The following NEMP2 variants were observed in gnomAD, a reference collection of about 807,000 sequenced individuals.
NEMP2 encodes UPF0571 transmembrane protein.
A neutral mutation model predicts 54.2 loss-of-function variants in NEMP2; 53 were observed. The observed-to-expected ratio is 0.98, with a 90% CI of 0.78 to 1.23. NEMP2 has a LOEUF of 1.23. Ranked by LOEUF, NEMP2 falls within the 50% of genes most tolerant of loss-of-function variation. The probability of loss-of-function intolerance (pLI) is 0.00; values close to 1 mark genes in which losing one functional copy is unlikely to be tolerated. For synonymous variants in NEMP2, 197 were observed against 190.3 expected, an observed-to-expected ratio of 1.04 and a Z score of -0.29; for missense variants, 455 against 511.3, an observed-to-expected ratio of 0.89 and a Z score of 1.06.
chr2:190,601,603 G>A, the NEMP2 span, among the ~76,000 whole-genome samples: 1 of 152,160 alleles, frequency 6.6e-6, no homozygotes, highest in African/African-American at 2.4e-5. This position sits in a 1 kb window ranked among gnomAD's most constrained non-coding sequence, Gnocchi z 5.8. Context: ...TATAATTTCC[G>A]AGCAACTCCA....
chr2:190,516,148 A>C, intron 6 of NEMP2, 122 bp downstream of exon 6: 1 of 605,382 alleles, frequency 1.7e-6, no homozygotes, highest in Non-Finnish European at 2.8e-6. Context: ...TTTTAGTAGC[A>C]CCTTTCGTTA....
the NEMP2 span, among the ~76,000 whole-genome samples, chr2:190,474,054 A>G: frequency 1.3e-5 from 2 of 152,338 alleles, no homozygotes; most frequent in Non-Finnish European, 2.9e-5. Context: ...TCTCTGGGAC[A>G]CAGTCAAAGC....
At chr2:190,547,019 A>T in the NEMP2 span, among the ~76,000 whole-genome samples, 1 of 152,226 alleles carries the variant, frequency 6.6e-6, no homozygotes, top group African/African-American at 2.4e-5. The surrounding 1 kb of genome is among the most constrained non-coding windows in gnomAD (Gnocchi z 6.2). Context: ...ACAACCAAAT[A>T]TAGGGAGGAC....
the NEMP2 span, among the ~76,000 whole-genome samples, chr2:190,560,982 T>C: frequency 2.0e-5 from 3 of 152,338 alleles, no homozygotes; most frequent in South Asian, 6.2e-4. This position sits in a 1 kb window ranked among gnomAD's most constrained non-coding sequence, Gnocchi z 5.4. Flanking sequence ...TTTTGAGAAA[T>C]ACTCAGAGAA....
the NEMP2 span, among the ~76,000 whole-genome samples, chr2:190,549,292 T>G: frequency 6.6e-6 from 1 of 152,216 alleles, no homozygotes; most frequent in East Asian, 1.9e-4. Flanking sequence ...TTTTGTGACA[T>G]TAGGAACTAT....
upstream of NEMP2, chr2:190,535,867 T>G (rs1318153972): frequency 6.6e-6 from 1 of 152,228 alleles, no homozygotes; most frequent in Non-Finnish European, 1.5e-5. Context: ...TCCAATTCTT[T>G]CCTGTATTCC....
At chr2:190,518,452 T>C (rs1326162460) in intron 4 of NEMP2, among the ~76,000 whole-genome samples, 2 of 152,154 alleles carry the variant, frequency 1.3e-5, no homozygotes, top group Non-Finnish European at 2.9e-5. Flanking sequence ...TTCTCATCTA[T>C]AAAATGAGAA....
chr2:190,465,918 G>A, the NEMP2 span, among the ~76,000 whole-genome samples: 26 of 152,246 alleles, frequency 1.7e-4, no homozygotes, highest in African/African-American at 4.3e-4. The surrounding 1 kb of genome is among the most constrained non-coding windows in gnomAD (Gnocchi z 4.6). Context: ...GCTTGAATCC[G>A]GGAGGCGGTG....
chr2:190,615,162 G>C, the NEMP2 span, among the ~76,000 whole-genome samples: 2 of 152,112 alleles, frequency 1.3e-5, no homozygotes, highest in Non-Finnish European at 2.9e-5. This position sits in a 1 kb window ranked among gnomAD's most constrained non-coding sequence, Gnocchi z 4.7. Context: ...GGGTCCTACA[G>C]GTTAAGGGCT....
chr2:190,480,865 A>G, the NEMP2 span, among the ~76,000 whole-genome samples: 1 of 152,232 alleles, frequency 6.6e-6, no homozygotes, highest in Admixed American at 6.5e-5. Flanking sequence ...TACAATACAA[A>G]AAAGTAAAAT....
chr2:190,623,083 A>G, the NEMP2 span, among the ~76,000 whole-genome samples: 2 of 152,198 alleles, frequency 1.3e-5, no homozygotes, highest in Non-Finnish European at 2.9e-5. Context: ...CCTATTTACT[A>G]TACAAAATAC....
At chr2:190,648,434 C>A in the NEMP2 span, 2 of 152,160 alleles carry the variant, frequency 1.3e-5, no homozygotes, top group South Asian at 2.1e-4. Flanking sequence ...CCTCGCCCCC[C>A]CGGGCAGGGG....
chr2:190,595,605 C>T, the NEMP2 span, among the ~76,000 whole-genome samples: 1 of 152,160 alleles, frequency 6.6e-6, no homozygotes, highest in Non-Finnish European at 1.5e-5. This position sits in a 1 kb window ranked among gnomAD's most constrained non-coding sequence, Gnocchi z 4.0. Flanking sequence ...TAAACAGATA[C>T]TTCTTGAAAG....
the NEMP2 span, among the ~76,000 whole-genome samples, chr2:190,545,031 G>A: frequency 2.0e-5 from 3 of 151,812 alleles, no homozygotes; most frequent in African/African-American, 7.3e-5. Flanking sequence ...TGAGCCAGGA[G>A]TTCAAGCCAC....
the NEMP2 span, among the ~76,000 whole-genome samples, chr2:190,434,497 G>A: frequency 2.6e-5 from 4 of 152,040 alleles, no homozygotes; most frequent in South Asian, 4.1e-4. This position sits in a 1 kb window ranked among gnomAD's most constrained non-coding sequence, Gnocchi z 4.3. Context: ...GTGCAGTGGC[G>A]CAATCTCAGC....
At chr2:190,574,957 C>T in the NEMP2 span, among the ~76,000 whole-genome samples, 1 of 152,006 alleles carries the variant, frequency 6.6e-6, no homozygotes, top group South Asian at 2.1e-4. Flanking sequence ...TGGGTTCAAG[C>T]GATTCTCCTG....
chr2:190,501,485 G>A (rs143086708), downstream of NEMP2: 190 of 152,300 alleles, frequency 1.2e-3, 2 homozygotes, highest in East Asian at 0.025. Flanking sequence ...GGAAACCTGG[G>A]GGGAGTGTGG....
At chr2:190,475,545 C>A in the NEMP2 span, among the ~76,000 whole-genome samples, 2 of 152,124 alleles carry the variant, frequency 1.3e-5, no homozygotes, top group East Asian at 3.8e-4. Context: ...CAAACCACTG[C>A]TCAATGAAAT....
At chr2:190,438,380 G>GC in the NEMP2 span, among the ~76,000 whole-genome samples, 1 of 152,256 alleles carries the variant, frequency 6.6e-6, no homozygotes, top group Middle Eastern at 3.4e-3. The surrounding 1 kb of genome is among the most constrained non-coding windows in gnomAD (Gnocchi z 5.2). Flanking sequence ...GCCGGGCATG[G>GC]TGGCACGCAC....
Sources: gnomAD v4.1 joint callset for allele counts (sites outside exome capture counted in the v4.1 genomes callset) on GRCh38, gnomAD v4.1.1 for gene constraint, Gnocchi (gnomAD v3.1) non-coding constraint, MANE v1.5 for transcripts, NCBI Gene and HGNC (gene_info 2026-07-23, HGNC 2026-07-21) for gene names.